The following SASH1 variants were observed in gnomAD, a reference collection of about 807,000 sequenced individuals.
The protein encoded by SASH1 is SAM and SH3 domain containing 1, also known as SAM and SH3 domain-containing protein 1.
In SASH1, 44 loss-of-function variants were observed where a neutral mutation model predicts 125.2. That is an observed-to-expected ratio of 0.35 (90% CI 0.28 to 0.45). SASH1 has a LOEUF of 0.45. Ranked by LOEUF, SASH1 falls within the 20% of genes least tolerant of loss-of-function variation. The probability of loss-of-function intolerance (pLI) is 1.00; values close to 1 mark genes in which losing one functional copy is unlikely to be tolerated. For synonymous variants in SASH1, 639 were observed against 649.1 expected (o/e 0.98, Z 0.24); for missense variants, 1,426 against 1,614.5 (o/e 0.88, Z 2.00).
In SASH1 at chr6:148,487,092, T is replaced by TACACAC. The variant is rs1186673454; in HGVS notation, c.628-506_628-501dup. 9.9e-3 allele frequency among the ~76,000 whole-genome samples: 1,173 copies of TACACAC among 118,708 alleles called. 40 individuals carry two copies. Among genetic ancestry groups the TACACAC allele is most frequent in the African/African-American group, 0.033 (1,038 of 31,610 alleles). The allele number at this position is 118,708 out of a possible 152,430, so 77.9% of individuals were successfully genotyped here. ...AATATATATATATAACACATATATA[T>TACACAC]ACACACACACACACACACACATATA... is the stretch of plus-strand genomic sequence containing the variant. On this transcript the variant is annotated intron_variant, in intron 7 of 19. Coordinates refer to ENST00000367467, the MANE Select transcript of SASH1 (RefSeq NM_015278.5).
At chr6:148,203,240 T>C in the SASH1 span, among the ~76,000 whole-genome samples, 1 of 152,230 alleles carries the variant, frequency 6.6e-6, no homozygotes, top group Non-Finnish European at 1.5e-5. Flanking sequence ...CACCAGGTAT[T>C]TGGCATTATA....
the SASH1 span, among the ~76,000 whole-genome samples, chr6:148,201,054 T>C: frequency 1.3e-5 from 2 of 152,184 alleles, no homozygotes; most frequent in African/African-American, 4.8e-5. Flanking sequence ...CATTTCCATC[T>C]ACCACGTAAA....
the SASH1 span, among the ~76,000 whole-genome samples, chr6:148,211,042 A>G: frequency 3.3e-5 from 5 of 152,328 alleles, no homozygotes; most frequent in Non-Finnish European, 5.9e-5. Flanking sequence ...TTATGAAACT[A>G]TGGCCCAGCC....
intron 2 of SASH1, among the ~76,000 whole-genome samples, chr6:148,432,011 T>C (rs1776082157): frequency 6.6e-6 from 1 of 151,684 alleles, no homozygotes; most frequent in Admixed American, 6.6e-5. Flanking sequence ...AATTTCACTC[T>C]TGTTGCCCAG....
chr6:148,359,827 C>G (rs573416736), intron 1 of SASH1, among the ~76,000 whole-genome samples: 38 of 152,214 alleles, frequency 2.5e-4, no homozygotes, highest in African/African-American at 8.4e-4. Flanking sequence ...GGTGCAATCT[C>G]AGCTCACTGC....
chr6:148,309,652 C>CT (rs1780246785), intron 1 of SASH1, among the ~76,000 whole-genome samples: 1 of 144,542 alleles, frequency 6.9e-6, no homozygotes, highest in Non-Finnish European at 1.5e-5. Flanking sequence ...CTTATGTTAC[C>CT]TTCTCATGTT....
chr6:148,194,653 A>G, the SASH1 span, among the ~76,000 whole-genome samples: 1 of 152,212 alleles, frequency 6.6e-6, no homozygotes, highest in Non-Finnish European at 1.5e-5. Context: ...CGTGCCTGTA[A>G]TCCCAGCACT....
intron 4 of SASH1, among the ~76,000 whole-genome samples, chr6:148,463,148 T>C (rs959038961): frequency 8.2e-6 from 1 of 122,604 alleles, no homozygotes. Flanking sequence ...TGCAATATAA[T>C]TTTTTTTTTT....
intron 1 of SASH1, among the ~76,000 whole-genome samples, chr6:148,366,896 G>C (rs2114729243): frequency 6.6e-6 from 1 of 150,792 alleles, no homozygotes; most frequent in East Asian, 2.0e-4. Flanking sequence ...ATTCCATTTG[G>C]ATACGCTTCT....
At chr6:148,473,256 TA>T (rs1357755625) in intron 6 of SASH1, among the ~76,000 whole-genome samples, 2 of 152,224 alleles carry the variant, frequency 1.3e-5, no homozygotes, top group African/African-American at 2.4e-5. Context: ...TTTATTTATT[TA>T]TTTTTTTTGT....
intron 1 of SASH1, among the ~76,000 whole-genome samples, chr6:148,332,479 T>G (rs1260916365): frequency 2.0e-5 from 3 of 152,156 alleles, no homozygotes; most frequent in Non-Finnish European, 4.4e-5. Context: ...AAATAACAAG[T>G]ATTTAAATGA....
At chr6:148,302,311 C>CAAAAAAAA (rs1174644909) in intron 1 of SASH1, among the ~76,000 whole-genome samples, 2 of 44,888 alleles carry the variant, frequency 4.5e-5, no homozygotes, top group East Asian at 2.1e-3. Context: ...GACTCCGTCT[C>CAAAAAAAA]AAAAAAAAAA....
chr6:148,346,807 A>G (rs969523716), intron 1 of SASH1, among the ~76,000 whole-genome samples: 1 of 152,200 alleles, frequency 6.6e-6, no homozygotes, highest in African/African-American at 2.4e-5. Context: ...AACTAATGGT[A>G]AACTGCAACA....
rs1305584664 is a variant in SASH1, at chr6:148,366,142, A to T, written c.156+22919A>T. Among the ~76,000 whole-genome samples the T allele has an allele frequency of 4.6e-5, 7 of 151,968 alleles. No individual in the cohort carries two copies. In the East Asian group the frequency reaches 1.4e-3, roughly 30 times the overall value. Reference sequence around the variant, plus strand: ...AAGAAAAGAAAAAAAAAAATTAGCCAGGCATGGTAGCGCTGCCTGTATTTC... The same window carrying T: ...AAGAAAAGAAAAAAAAAAATTAGCCTGGCATGGTAGCGCTGCCTGTATTTC... On this transcript the variant is annotated intron_variant, in intron 1 of 19. Transcript: ENST00000367467.
chr6:148,199,800 GAGAA>G, the SASH1 span, among the ~76,000 whole-genome samples: 2 of 148,012 alleles, frequency 1.4e-5, no homozygotes, highest in African/African-American at 2.5e-5. Flanking sequence ...GAGAGAGAGA[GAGAA>G]AGAAAAAGAG....
chr6:148,292,784 C>T (rs574769123), intron 1 of SASH1, among the ~76,000 whole-genome samples: 1 of 152,140 alleles, frequency 6.6e-6, no homozygotes, highest in African/African-American at 2.4e-5. Flanking sequence ...GGAACAGTGG[C>T]TCATGCCTAT....
At chr6:148,391,107 A>G (rs9498034) in intron 2 of SASH1, among the ~76,000 whole-genome samples, 1,833 of 151,454 alleles carry the variant, frequency 0.012, 37 homozygotes, top group African/African-American at 0.042. Flanking sequence ...ACCACTAAAG[A>G]CACTCTTTTT....
In SASH1 at chr6:148,533,668, T is replaced by C. The variant is rs1304557926; in HGVS notation, c.1735-103T>C. 1.8e-6 allele frequency: 2 copies of C among 1,109,414 alleles called. No homozygotes were observed. Among genetic ancestry groups the C allele is most frequent in the African/African-American group, 3.1e-5 (2 of 64,468 alleles). 68.7% of individuals were successfully genotyped at this position (1,109,414 alleles called of 1,614,324 possible). On this transcript the variant is annotated intron_variant, in intron 14 of 19. Coordinates refer to ENST00000367467, the MANE Select transcript of SASH1 (RefSeq NM_015278.5). This position sits in a 1 kb window ranked among gnomAD's most constrained non-coding sequence, Gnocchi z 6.2. ...CTTGTGGGACCCCGATTCTGGCCTTTGTGGCATCTTCACTTCTGCATGACC... is the reference window on the plus strand; with the variant it reads ...CTTGTGGGACCCCGATTCTGGCCTTCGTGGCATCTTCACTTCTGCATGACC...
At chr6:148,431,757 G>T (rs1776070430) in intron 2 of SASH1, among the ~76,000 whole-genome samples, 1 of 151,844 alleles carries the variant, frequency 6.6e-6, no homozygotes, top group Non-Finnish European at 1.5e-5. Context: ...AGGTCATGGA[G>T]TCAACGCTTG....
Sources: allele counts gnomAD v4.1 joint callset (sites outside exome capture counted in the v4.1 genomes callset), GRCh38; gene constraint gnomAD v4.1.1; non-coding constraint Gnocchi (gnomAD v3.1); transcripts MANE v1.5; gene names NCBI Gene and HGNC (gene_info 2026-07-23, HGNC 2026-07-21).